CABCOCO1: variants seen among roughly 807,000 people sequenced by gnomAD.
The protein encoded by CABCOCO1 is ciliary-associated calcium-binding coiled-coil protein 1.
A neutral mutation model predicts 35.7 loss-of-function variants in CABCOCO1; 28 were observed. The observed-to-expected ratio is 0.78, with a 90% CI of 0.58 to 1.07. The LOEUF is 1.07. Among genes scored for constraint, CABCOCO1 ranks in the 50% least tolerant of loss-of-function variants. CABCOCO1 has a pLI of 0.00. For synonymous variants in CABCOCO1, 95 were observed against 100.1 expected (o/e 0.95, Z 0.30); for missense variants, 326 against 309.2 (o/e 1.05, Z -0.41).
chr10:61,680,422 AT>A (rs1217884104), intron 2 of CABCOCO1, among the ~76,000 whole-genome samples: 102 of 125,146 alleles, frequency 8.2e-4, no homozygotes, highest in Non-Finnish European at 1.4e-3. Context: ...TATAATATAT[AT>A]TTATATATTA....
chr10:61,706,041 C>T (rs925035953), intron 5 of CABCOCO1, among the ~76,000 whole-genome samples: 4 of 152,250 alleles, frequency 2.6e-5, no homozygotes, highest in Non-Finnish European at 4.4e-5. Context: ...AAAACCCAAA[C>T]AAAATAGAAC....
At chr10:61,722,467 T>G (rs1841045990) in intron 5 of CABCOCO1, among the ~76,000 whole-genome samples, 1 of 151,906 alleles carries the variant, frequency 6.6e-6, no homozygotes, top group African/African-American at 2.4e-5. Flanking sequence ...CTATGACACA[T>G]AACCAGAGCT....
Position 61,766,221 on chromosome 10 carries a change from A to T in CABCOCO1, c.*208A>T. 1 of 426,184 alleles carries T rather than the reference A, an allele frequency of 2.3e-6. No homozygotes were observed. Among genetic ancestry groups the T allele is most frequent in the Non-Finnish European group, 4.2e-6 (1 of 235,600 alleles). 26.4% of individuals were successfully genotyped at this position (426,184 alleles called of 1,614,324 possible). ...TAACAGCCTCTGAATTTATTGCACC[A>T]AGTGTAATGAGAACATTTTGTATAC... On this transcript the variant is annotated 3_prime_UTR_variant, in exon 8 of 8. Transcript: ENST00000648843.
rs920074949 is a variant in CABCOCO1, at chr10:61,718,477, T to G, written c.552+27856T>G. 2.0e-5 allele frequency among the ~76,000 whole-genome samples: 3 copies of G among 152,200 alleles called. No homozygotes were observed. The East Asian group carries it at 5.8e-4, about 29-fold the overall frequency. On this transcript the variant is annotated intron_variant, in intron 5 of 7. Transcript: ENST00000648843. Reference sequence around the variant, plus strand: ...GCAACCACAGTTTGTTTTAAAAAGGTATGAATAATTTTGCATATGCATAAT... The same window carrying G: ...GCAACCACAGTTTGTTTTAAAAAGGGATGAATAATTTTGCATATGCATAAT...
Position 61,672,836 on chromosome 10 carries a change from T to C in CABCOCO1, c.164+101T>C, listed in dbSNP as rs1021585244. The C allele has an allele frequency of 6.5e-6, 5 of 766,692 alleles. No individual in the cohort carries two copies. The East Asian group carries it at 6.4e-4, about 98-fold the overall frequency. The allele number at this position is 766,692 out of a possible 1,614,324, so 47.5% of individuals were successfully genotyped here. A position where few individuals can be genotyped will look rare whatever the true frequency, so the allele number is the denominator to read the frequency against. ...GTATAAGCTTTTTTCACAATATTTG[T>C]TATGATATTATGCACTGAAAAATAT... On this transcript the variant is annotated intron_variant, in intron 2 of 7. Transcript: ENST00000648843.
intron 2 of CABCOCO1, among the ~76,000 whole-genome samples, chr10:61,674,680 C>T (rs1839456857): frequency 6.6e-6 from 1 of 152,104 alleles, no homozygotes; most frequent in African/African-American, 2.4e-5. Context: ...AAGAAATCAG[C>T]ACATTTCCCT....
intron 5 of CABCOCO1, among the ~76,000 whole-genome samples, chr10:61,739,207 C>T (rs757819048): frequency 1.3e-5 from 2 of 152,152 alleles, no homozygotes; most frequent in Admixed American, 6.5e-5. Context: ...GTGGATGCCT[C>T]GGCCATGAGG....
Position 61,667,671 on chromosome 10 carries a change from A to T in CABCOCO1, c.60+4639A>T, listed in dbSNP as rs574329651. ...TCAAGTTTTTACCTTTTCTGTTTCT[A>T]ATTAGCTTCTTGTATAGGAAAAAAC... On this transcript the variant is annotated intron_variant, in intron 1 of 7. Coordinates refer to ENST00000648843, the MANE Select transcript of CABCOCO1 (RefSeq NM_001366906.2). 3.3e-5 allele frequency among the ~76,000 whole-genome samples: 5 copies of T among 151,974 alleles called. No homozygotes were observed. In the East Asian group the frequency reaches 5.8e-4, roughly 18 times the overall value.
intron 1 of CABCOCO1, among the ~76,000 whole-genome samples, chr10:61,666,388 T>G (rs1686559928): frequency 6.6e-6 from 1 of 152,162 alleles, no homozygotes; most frequent in Admixed American, 6.5e-5. Context: ...ATGGGGACAA[T>G]GCCAAAAAAG....
At chr10:61,738,497 A>C (rs1308141116) in intron 5 of CABCOCO1, among the ~76,000 whole-genome samples, 1 of 152,222 alleles carries the variant, frequency 6.6e-6, no homozygotes, top group Admixed American at 6.5e-5. Flanking sequence ...GCTTGTAAAC[A>C]AATATATTTT....
chr10:61,689,104 T>C (rs961086745), intron 4 of CABCOCO1, among the ~76,000 whole-genome samples: 2 of 152,188 alleles, frequency 1.3e-5, no homozygotes, highest in Non-Finnish European at 2.9e-5. Flanking sequence ...ATGAACTAAG[T>C]TCTTTGTGTG....
chr10:61,727,066 A>G (rs1841171375), intron 5 of CABCOCO1, among the ~76,000 whole-genome samples: 1 of 147,502 alleles, frequency 6.8e-6, no homozygotes, highest in African/African-American at 2.6e-5. Flanking sequence ...TGCCACATAC[A>G]CAAAAAAAAT....
chr10:61,687,937 G>T (rs1175256473), intron 4 of CABCOCO1, among the ~76,000 whole-genome samples: 2 of 152,084 alleles, frequency 1.3e-5, no homozygotes, highest in African/African-American at 4.8e-5. Flanking sequence ...GTCTGCAGTT[G>T]TATAAAAGAA....
At chr10:61,706,136 C>A (rs115949994) in intron 5 of CABCOCO1, among the ~76,000 whole-genome samples, 2,056 of 152,212 alleles carry the variant, frequency 0.014, 37 homozygotes, top group African/African-American at 0.046. Context: ...TTACTTTATT[C>A]TTTTACAACC....
At chr10:61,742,273 C>T (rs1176779636) in intron 5 of CABCOCO1, among the ~76,000 whole-genome samples, 1 of 152,130 alleles carries the variant, frequency 6.6e-6, no homozygotes, top group Admixed American at 6.6e-5. Context: ...TTTCTCCATG[C>T]TGCCTATTGT....
chr10:61,682,316 A>G (rs939752804), intron 3 of CABCOCO1, among the ~76,000 whole-genome samples: 14 of 152,216 alleles, frequency 9.2e-5, no homozygotes, highest in African/African-American at 3.4e-4. Context: ...ACCAGAAAAA[A>G]AGCAAGGAAT....
intron 5 of CABCOCO1, among the ~76,000 whole-genome samples, chr10:61,702,518 C>T (rs1427223663): frequency 6.6e-6 from 1 of 152,004 alleles, no homozygotes; most frequent in Non-Finnish European, 1.5e-5. Context: ...ATATAGCTGG[C>T]TCTATCTTGG....
chr10:61,734,369 C>T (rs780669149), intron 5 of CABCOCO1, among the ~76,000 whole-genome samples: 13 of 152,162 alleles, frequency 8.5e-5, no homozygotes, highest in South Asian at 2.1e-4. Context: ...CAATGCTCCA[C>T]CACCCAAGCT....
intron 3 of CABCOCO1, among the ~76,000 whole-genome samples, chr10:61,684,247 G>C (rs1229076355): frequency 3.9e-5 from 6 of 152,178 alleles, no homozygotes; most frequent in African/African-American, 1.4e-4. Flanking sequence ...CGAACCAATT[G>C]TAATTCATTA....
Sources: allele counts gnomAD v4.1 joint callset (sites outside exome capture counted in the v4.1 genomes callset), GRCh38; gene constraint gnomAD v4.1.1; transcripts MANE v1.5; gene names NCBI Gene and HGNC (gene_info 2026-07-23, HGNC 2026-07-21).